Variants in PCOLCE2 observed in about 807,000 individuals in gnomAD.
PCOLCE2 encodes the protein procollagen C-proteinase enhancer 2.
A neutral mutation model predicts 47.0 loss-of-function variants in PCOLCE2; 42 were observed. The observed-to-expected ratio is 0.89, with a 90% CI of 0.70 to 1.16. The LOEUF is 1.16. PCOLCE2 is among the 50% of genes most tolerant of loss of function. The pLI is 0.00. For synonymous variants in PCOLCE2, 169 were observed against 191.7 expected, an observed-to-expected ratio of 0.88 and a Z score of 0.98; for missense variants, 500 against 526.1, an observed-to-expected ratio of 0.95 and a Z score of 0.49.
At chr3:142,851,669 T>C (rs1932945991) in intron 2 of PCOLCE2, among the ~76,000 whole-genome samples, 1 of 152,096 alleles carries the variant, frequency 6.6e-6, no homozygotes, top group African/African-American at 2.4e-5. Context: ...CCCATATAGA[T>C]ATTGAAATTA....
intron 2 of PCOLCE2, among the ~76,000 whole-genome samples, chr3:142,886,760 A>G (rs560756264): frequency 6.6e-6 from 1 of 152,318 alleles, no homozygotes; most frequent in Non-Finnish European, 1.5e-5. Context: ...ATGATAATAG[A>G]TACTTTCTCA....
intron 4 of PCOLCE2, among the ~76,000 whole-genome samples, chr3:142,840,523 G>A (rs1280691360): frequency 6.6e-6 from 1 of 152,152 alleles, no homozygotes; most frequent in African/African-American, 2.4e-5. Flanking sequence ...AGTAATCCAG[G>A]TGAAGATGAT....
Position 142,848,361 on chromosome 3 carries a change from G to C in PCOLCE2, c.304C>G (p.Arg102Gly), listed in dbSNP as rs41267845. ...AAAGTGCCACAGAAGCGGCCAATGCGCTGGCCATTGGCATGGCCATTGTAC... is the reference window on the plus strand; with the variant it reads ...AAAGTGCCACAGAAGCGGCCAATGCCCTGGCCATTGGCATGGCCATTGTAC... ...DVYNGHANGQ[R>G]IGRFCGTFRP... The change falls in exon 3 of 9, where the codon CGC becomes GGC. Residue 102 changes from arginine to glycine, a missense_variant. Arg to Gly is a moderately radical substitution (Grantham distance 125). Transcript: ENST00000295992. 4 of 1,614,020 alleles carry C rather than the reference G, an allele frequency of 2.5e-6. No individual in the cohort carries two copies. Among genetic ancestry groups the C allele is most frequent in the Non-Finnish European group, 3.4e-6 (4 of 1,179,842 alleles).
intron 2 of PCOLCE2, chr3:142,887,270 A>G (rs1456577388): frequency 6.3e-6 from 1 of 158,554 alleles, no homozygotes; most frequent in African/African-American, 2.4e-5. Flanking sequence ...TAGAGTAGTC[A>G]AAGCACTATC....
intron 2 of PCOLCE2, among the ~76,000 whole-genome samples, chr3:142,849,427 C>T (rs889038796): frequency 6.6e-6 from 1 of 152,086 alleles, no homozygotes; most frequent in Non-Finnish European, 1.5e-5. Context: ...AGCCTTGAGA[C>T]ACAATGCGCT....
chr3:142,842,995 G>T lies in PCOLCE2; in HGVS notation c.502C>A (p.Pro168Thr). The part of the protein sequence containing the change: ...LDRPSGSFKT[P>T]NWPDRDYPAG... Reference sequence around the variant, plus strand: ...GGGTAATCCCGGTCTGGCCAGTTGGGGGTTTTAAAAGAGCCGGAAGGTCTG... The same window carrying T: ...GGGTAATCCCGGTCTGGCCAGTTGGTGGTTTTAAAAGAGCCGGAAGGTCTG... The change falls in exon 4 of 9, where the codon CCC becomes ACC. Residue 168 changes from proline (P) to threonine (T), a missense_variant. Physicochemically the swap from Pro to Thr is conservative, Grantham distance 38. Coordinates refer to ENST00000295992, the MANE Select transcript of PCOLCE2 (RefSeq NM_013363.4). The surrounding 1 kb of genome is among the most constrained non-coding windows in gnomAD (Gnocchi z 4.1). The T allele has an allele frequency of 1.9e-6, 3 of 1,613,858 alleles. No homozygotes were observed. The highest frequency in any genetic ancestry group is 2.5e-6 in the Non-Finnish European group (3 of 1,179,788).
intron 2 of PCOLCE2, among the ~76,000 whole-genome samples, chr3:142,852,454 G>T (rs1258069837): frequency 6.6e-6 from 1 of 151,826 alleles, no homozygotes; most frequent in Non-Finnish European, 1.5e-5. Context: ...ATAACACCTG[G>T]ATACCAACCA....
At chr3:142,838,031 C>G (rs1016679018) in intron 5 of PCOLCE2, among the ~76,000 whole-genome samples, 1 of 152,106 alleles carries the variant, frequency 6.6e-6, no homozygotes, top group African/African-American at 2.4e-5. Flanking sequence ...TATTAAGCCC[C>G]CTGGTTGTTT....
intron 5 of PCOLCE2, among the ~76,000 whole-genome samples, chr3:142,838,550 C>T (rs773683105): frequency 6.6e-6 from 1 of 152,154 alleles, no homozygotes; most frequent in African/African-American, 2.4e-5. Context: ...GCTTCCTGTA[C>T]AACATGCAGA....
intron 5 of PCOLCE2, among the ~76,000 whole-genome samples, chr3:142,836,627 A>G (rs1472747420): frequency 6.6e-6 from 1 of 152,232 alleles, no homozygotes; most frequent in African/African-American, 2.4e-5. Context: ...ATTGCTAGAA[A>G]ATGAAGCTTG....
chr3:142,881,691 A>T (rs1474081600), intron 2 of PCOLCE2, among the ~76,000 whole-genome samples: 2 of 152,208 alleles, frequency 1.3e-5, no homozygotes, highest in Non-Finnish European at 2.9e-5. Context: ...CAGAAAAGGT[A>T]CAATAAAAAT....
At chr3:142,881,511 T>C (rs1024501858) in intron 2 of PCOLCE2, among the ~76,000 whole-genome samples, 1 of 152,184 alleles carries the variant, frequency 6.6e-6, no homozygotes, top group East Asian at 1.9e-4. Flanking sequence ...GTGACTGTTG[T>C]GCAAATATCA....
rs114382898 is a variant in PCOLCE2, at chr3:142,862,604, A to T, written c.193-14132T>A. ...ACGAGAAGCCACTGAGGTGATCTTT[A>T]TTAGGACATAATAAGAATGATAGAT... On this transcript the variant is annotated intron_variant, in intron 2 of 8. Transcript: ENST00000295992. 1.7e-3 allele frequency among the ~76,000 whole-genome samples: 256 copies of T among 152,374 alleles called. 3 individuals carry two copies. The highest frequency in any genetic ancestry group is 5.7e-3 in the African/African-American group (238 of 41,586).
intron 4 of PCOLCE2, among the ~76,000 whole-genome samples, chr3:142,841,727 T>C (rs1937265784): frequency 6.6e-6 from 1 of 152,186 alleles, no homozygotes; most frequent in Non-Finnish European, 1.5e-5. Context: ...GCTTAAATAA[T>C]TTTCTATAAA....
rs771400379 is a variant in PCOLCE2 at position 142,821,611 on chromosome 3, C to G, written c.950-566G>C. ...ATTATCAGGAAAGCTCTGTCTTCTA[C>G]GGTCTTTCATATTCTCTTTCTTATC... On this transcript the variant is annotated intron_variant, in intron 7 of 8. Coordinates refer to ENST00000295992, the MANE Select transcript of PCOLCE2 (RefSeq NM_013363.4). 3.3e-5 allele frequency among the ~76,000 whole-genome samples: 5 copies of G among 151,910 alleles called. No homozygotes were observed. In the East Asian group the frequency reaches 9.7e-4, roughly 29 times the overall value.
chr3:142,877,050 T>A (rs1933510407), intron 2 of PCOLCE2, among the ~76,000 whole-genome samples: 1 of 152,206 alleles, frequency 6.6e-6, no homozygotes, highest in South Asian at 2.1e-4. Context: ...CTATTAGGAA[T>A]AAATGAATAC....
chr3:142,885,766 C>A (rs934977562), intron 2 of PCOLCE2, among the ~76,000 whole-genome samples: 1 of 152,212 alleles, frequency 6.6e-6, no homozygotes, highest in Admixed American at 6.5e-5. Context: ...CACGCAGACA[C>A]CAGATAAGCT....
rs1560130852 is a variant in PCOLCE2 at position 142,829,948 on chromosome 3, C to T, written c.711-102G>A. On this transcript the variant is annotated intron_variant, in intron 5 of 8. Coordinates refer to ENST00000295992, the MANE Select transcript of PCOLCE2 (RefSeq NM_013363.4). ...TCCATTAACTTCCGACAATAGATTA[C>T]CAGTTGTTTAAACTTAAAAGTTAAA... The T allele has an allele frequency of 3.3e-5, 20 of 605,108 alleles. No homozygotes were observed. In the East Asian group the frequency reaches 5.6e-4, roughly 17 times the overall value. The allele number at this position is 605,108 out of a possible 1,614,324, so 37.5% of individuals were successfully genotyped here.
rs1937005721 is a variant in PCOLCE2 at position 142,820,929 on chromosome 3, T to G, written c.1066A>C (p.Met356Leu). 1 of 1,614,060 alleles carries G rather than the reference T, an allele frequency of 6.2e-7. No homozygotes were observed. Residue 356 changes from methionine (M) to leucine (L), a missense_variant, in exon 8 of 9, where the codon ATG becomes CTG. Transcript: ENST00000295992. ...NLAIQQAGKN[M>L]SARLTVVCKQ... ...CAGACGACAGTCAGCCTGGCACTCA[T>G]GTTCTTGCCCGCCTGCTGAATCGCC...
Sources: gnomAD v4.1 joint callset for allele counts (sites outside exome capture counted in the v4.1 genomes callset) on GRCh38, gnomAD v4.1.1 for gene constraint, Gnocchi (gnomAD v3.1) non-coding constraint, MANE v1.5 for transcripts, NCBI Gene and HGNC (gene_info 2026-07-23, HGNC 2026-07-21) for gene names.